NCKAP5: variants seen among roughly 807,000 people sequenced by gnomAD.
NCKAP5 encodes the protein NCK associated protein 5.
In NCKAP5, 92 loss-of-function variants were observed where a neutral mutation model predicts 167.0. The ratio of observed to expected loss-of-function variants is 0.55; its 90% CI spans 0.47 to 0.66. NCKAP5 has a LOEUF of 0.66. Among genes scored for constraint, NCKAP5 ranks in the 30% least tolerant of loss-of-function variants. The pLI is 0.00. For missense variants in NCKAP5, 2,378 were observed against 2,315.0 expected, an observed-to-expected ratio of 1.03 and a Z score of -0.56; for synonymous variants, 891 against 877.4, an observed-to-expected ratio of 1.02 and a Z score of -0.27.
intron 8 of NCKAP5, among the ~76,000 whole-genome samples, chr2:132,907,750 C>T (rs1433346421): frequency 3.9e-5 from 6 of 152,128 alleles, no homozygotes; most frequent in Admixed American, 2.0e-4. Flanking sequence ...CTCAGTCTCC[C>T]GGGTTCACGC....
chr2:133,285,382 A>G (rs575219857), intron 4 of NCKAP5, among the ~76,000 whole-genome samples: 35 of 152,300 alleles, frequency 2.3e-4, no homozygotes, highest in Admixed American at 2.0e-4. Context: ...TAACTTTAAA[A>G]TTATGATGAG....
intron 3 of NCKAP5, among the ~76,000 whole-genome samples, chr2:133,373,417 G>T (rs1685935045): frequency 6.6e-6 from 1 of 152,122 alleles, no homozygotes; most frequent in Non-Finnish European, 1.5e-5. Flanking sequence ...AAATCAAAGA[G>T]CTAAATAAAC....
chr2:133,595,984 A>C, the NCKAP5 span: 1 of 152,256 alleles, frequency 6.6e-6, no homozygotes, highest in African/African-American at 2.4e-5. Context: ...CTTGTATCAA[A>C]ACATCATACC....
intron 3 of NCKAP5, among the ~76,000 whole-genome samples, chr2:133,310,770 G>A (rs75056171): frequency 0.018 from 2,706 of 152,306 alleles, 69 homozygotes; most frequent in African/African-American, 0.06. Flanking sequence ...GTAAGTGAAA[G>A]AGTGAATTAA....
chr2:133,163,174 G>T (rs1488996056), intron 5 of NCKAP5, among the ~76,000 whole-genome samples: 2 of 152,176 alleles, frequency 1.3e-5, no homozygotes, highest in African/African-American at 4.8e-5. Flanking sequence ...GAATTAAAGG[G>T]CTATCATTCC....
intron 11 of NCKAP5, among the ~76,000 whole-genome samples, chr2:132,831,458 T>C (rs1022895021): frequency 1.3e-5 from 2 of 152,176 alleles, no homozygotes; most frequent in Admixed American, 6.5e-5. Context: ...ACCAACAATG[T>C]TGTTTGATTG....
chr2:133,284,978 G>A (rs1432539125), intron 4 of NCKAP5, among the ~76,000 whole-genome samples: 3 of 152,132 alleles, frequency 2.0e-5, no homozygotes, highest in African/African-American at 7.2e-5. Context: ...AACCCACAAT[G>A]GAATGTGAGC....
chr2:132,950,919 A>G (rs1457772136), intron 8 of NCKAP5, among the ~76,000 whole-genome samples: 1 of 151,238 alleles, frequency 6.6e-6, no homozygotes, highest in Non-Finnish European at 1.5e-5. Flanking sequence ...ACAGAAACAG[A>G]AAAAAAAATG....
In NCKAP5 at chr2:132,784,230, A is replaced by T. The variant is rs1442534072; in HGVS notation, c.2581T>A (p.Ser861Thr). ...ESSGPLFELR[S>T]DPHIPKHSAQ... ...GAATGTTTTGGAATGTGTGGATCTG[A>T]TCGTAATTCAAAGAGGGGCCCTGAG... The change falls in exon 14 of 20, where the codon TCA becomes ACA. Residue 861 changes from serine (S) to threonine (T), a missense_variant. By Grantham distance (58) the Ser-to-Thr change is moderately conservative (BLOSUM62 1). This residue lies in a region of NCKAP5 where 1,049 missense variants were observed against 1,023.4 expected (regional missense o/e 1.02). Transcript: ENST00000409261. The T allele has an allele frequency of 6.3e-7, 1 of 1,598,756 alleles. No individual in the cohort carries two copies. The highest frequency in any genetic ancestry group is 8.5e-7 in the Non-Finnish European group (1 of 1,173,856).
At chr2:133,417,353 A>T (rs887053739) in intron 3 of NCKAP5, among the ~76,000 whole-genome samples, 4 of 152,120 alleles carry the variant, frequency 2.6e-5, no homozygotes, top group South Asian at 2.1e-4. Flanking sequence ...ACACCCCTGG[A>T]AGACATGCAC....
chr2:133,136,768 T>C (rs1469174888), intron 5 of NCKAP5, among the ~76,000 whole-genome samples: 3 of 152,144 alleles, frequency 2.0e-5, no homozygotes, highest in African/African-American at 4.8e-5. Flanking sequence ...GAAAAACACA[T>C]GAGCTCATTT....
intron 3 of NCKAP5, among the ~76,000 whole-genome samples, chr2:133,358,585 ATG>A (rs1684893752): frequency 1.3e-5 from 2 of 152,202 alleles, no homozygotes; most frequent in Admixed American, 6.5e-5. Flanking sequence ...TCTTGAAAAA[ATG>A]TGTTGAACCG....
rs140401537 is a variant in NCKAP5, at chr2:132,694,103, T to TTTTATTTATTTATTTA, written c.5714-20814_5714-20799dup. 6.0e-3 allele frequency among the ~76,000 whole-genome samples: 884 copies of TTTTATTTATTTATTTA among 147,026 alleles called. 7 individuals carry two copies. The highest frequency in any genetic ancestry group is 0.036 in the East Asian group (181 of 4,976). Reference sequence around the variant, plus strand: ...GGAAAAGGAAGACAAGTTTTAAGTGTTTTATTTATTTATTTATTTATTTAT... The same window carrying TTTTATTTATTTATTTA: ...GGAAAAGGAAGACAAGTTTTAAGTGTTTTATTTATTTATTTATTTATTTATTTATTTATTTATTTAT... On this transcript the variant is annotated intron_variant, in intron 19 of 19. Transcript: ENST00000409261.
At chr2:133,119,195 G>C (rs2082177287) in intron 6 of NCKAP5, 1 of 152,098 alleles carries the variant, frequency 6.6e-6, no homozygotes, top group Non-Finnish European at 1.5e-5. Context: ...GTAGAGATGG[G>C]GTTTCACCAT....
At chr2:132,946,319 C>T (rs1329030172) in intron 8 of NCKAP5, among the ~76,000 whole-genome samples, 1 of 152,116 alleles carries the variant, frequency 6.6e-6, no homozygotes, top group African/African-American at 2.4e-5. Flanking sequence ...CAGAGGAAAA[C>T]AGGCAATTGA....
intron 6 of NCKAP5, among the ~76,000 whole-genome samples, chr2:133,037,289 GA>G (rs1047109299): frequency 1.3e-5 from 2 of 151,938 alleles, no homozygotes; most frequent in Non-Finnish European, 2.9e-5. Flanking sequence ...CAAAGAAATA[GA>G]AAAAATCCTA....
chr2:133,476,408 T>A (rs953854654), intron 3 of NCKAP5, among the ~76,000 whole-genome samples: 7 of 152,244 alleles, frequency 4.6e-5, no homozygotes, highest in African/African-American at 1.7e-4. Flanking sequence ...CCAAGGTTCA[T>A]CAATTCTAAT....
chr2:133,260,666 G>T (rs911042363), intron 4 of NCKAP5, among the ~76,000 whole-genome samples: 1 of 152,168 alleles, frequency 6.6e-6, no homozygotes, highest in Non-Finnish European at 1.5e-5. Flanking sequence ...GAATTTGGAC[G>T]CCTGTCCCTC....
intron 3 of NCKAP5, among the ~76,000 whole-genome samples, chr2:133,411,430 T>C (rs1343112057): frequency 6.6e-6 from 1 of 152,088 alleles, no homozygotes; most frequent in Non-Finnish European, 1.5e-5. Flanking sequence ...CAGGACTCAG[T>C]GGAAGCTGTG....
Sources: gnomAD v4.1 joint callset for allele counts (sites outside exome capture counted in the v4.1 genomes callset) on GRCh38, gnomAD v4.1.1 for gene constraint, gnomAD v4.1.1 regional missense constraint, MANE v1.5 for transcripts, NCBI Gene and HGNC (gene_info 2026-07-23, HGNC 2026-07-21) for gene names.